Variants in ACOT8 observed in about 807,000 individuals in gnomAD.
ACOT8 encodes acyl-CoA thioesterase 8.
ACOT8 carries 31 observed loss-of-function variants against 38.4 expected under a neutral mutation model. That is an observed-to-expected ratio of 0.81 (90% CI 0.61 to 1.09). The LOEUF (loss-of-function observed/expected upper bound fraction) is 1.09. Among genes scored for constraint, ACOT8 ranks in the 50% least tolerant of loss-of-function variants. The probability of loss-of-function intolerance (pLI) is 0.00; values close to 1 mark genes in which losing one functional copy is unlikely to be tolerated. For missense variants in ACOT8, 373 were observed against 421.8 expected, an observed-to-expected ratio of 0.88 and a Z score of 1.01; for synonymous variants, 158 against 170.3, an observed-to-expected ratio of 0.93 and a Z score of 0.56.
At position 45,855,308 on chromosome 20, in the gene ACOT8, G is replaced by T; in HGVS notation, c.129-16C>A. ...ATGCCTTCCTCTGTAGGGAGAGGGG[G>T]AAAGAGGGAAAGACTTGGGAACTGG... On this transcript the variant is annotated splice_polypyrimidine_tract_variant and intron_variant, in intron 1 of 5. Transcript: ENST00000217455. 1 of 1,613,494 alleles carries T rather than the reference G, an allele frequency of 6.2e-7. No homozygotes were observed. The highest frequency in any genetic ancestry group is 8.5e-7 in the Non-Finnish European group (1 of 1,179,874).
At position 45,857,173 on chromosome 20, in the gene ACOT8, G is replaced by A. The variant is rs1277350638; in HGVS notation, c.128+15C>T. On this transcript the variant is annotated intron_variant, in intron 1 of 5. Coordinates refer to ENST00000217455, the MANE Select transcript of ACOT8 (RefSeq NM_005469.4). Reference sequence around the variant, plus strand: ...GCCCTAAAGGAGGGGATGCTGGGCAGGAGCTGCCGGCTACCTGAAGAGATC... The same window carrying A: ...GCCCTAAAGGAGGGGATGCTGGGCAAGAGCTGCCGGCTACCTGAAGAGATC... 1 of 1,608,506 alleles carries A rather than the reference G, an allele frequency of 6.2e-7. No individual in the cohort carries two copies. The highest frequency in any genetic ancestry group is 1.1e-5 in the South Asian group (1 of 90,648).
At chr20:45,851,313 C>G (rs753503788) in intron 2 of ACOT8, among the ~76,000 whole-genome samples, 1 of 152,184 alleles carries the variant, frequency 6.6e-6, no homozygotes, top group Non-Finnish European at 1.5e-5. Flanking sequence ...CTTGTGCAGT[C>G]TGCTTTCAGA....
chr20:45,842,015 T>A, intron 5 of ACOT8, 59 bp from the exon 6 acceptor site: 1 of 1,592,306 alleles, frequency 6.3e-7, no homozygotes, highest in South Asian at 1.1e-5. Flanking sequence ...TACACTTTTT[T>A]TTTTTTTCCT....
At chr20:45,843,154 G>A (rs1984376853) in intron 5 of ACOT8, 3 of 694,506 alleles carry the variant, frequency 4.3e-6, no homozygotes, top group Non-Finnish European at 6.1e-6. Flanking sequence ...CCAAATGGCA[G>A]TCTGATGGAC....
intron 2 of ACOT8, among the ~76,000 whole-genome samples, chr20:45,849,452 ATT>A (rs58429995): frequency 3.0e-4 from 38 of 127,674 alleles, no homozygotes; most frequent in Admixed American, 6.7e-4. Flanking sequence ...TACCCAGCTA[ATT>A]TTTTTTTTTT....
intron 3 of ACOT8, 126 bp from the exon 4 acceptor site, chr20:45,844,546 T>A: frequency 8.8e-7 from 1 of 1,135,972 alleles, no homozygotes; most frequent in Non-Finnish European, 1.3e-6. Context: ...TCCCCTCCCC[T>A]GTGGCAGGCA....
Position 45,857,022 on chromosome 20 carries a change from A to C in ACOT8, c.128+166T>G, listed in dbSNP as rs536296142. 1.2e-4 allele frequency among the ~76,000 whole-genome samples: 18 copies of C among 152,286 alleles called. No homozygotes were observed. The South Asian group carries it at 3.7e-3, about 32-fold the overall frequency. On this transcript the variant is annotated intron_variant, in intron 1 of 5. Coordinates refer to ENST00000217455, the MANE Select transcript of ACOT8 (RefSeq NM_005469.4). ...CGCGGAGAGGAAGGGAGGAAGCCAG[A>C]GCAGAGAGGACAGCTCTGTTGGGGG...
intron 2 of ACOT8, among the ~76,000 whole-genome samples, chr20:45,852,399 G>C (rs1361248938): frequency 1.3e-5 from 2 of 151,516 alleles, no homozygotes; most frequent in African/African-American, 4.9e-5. Flanking sequence ...GGCTGGTCTC[G>C]AACTCTTGAC....
In ACOT8 at chr20:45,848,493, CTGGTGG is replaced by C. The variant is rs1182575354; in HGVS notation, c.439_444del (p.Pro147_Pro148del). 1.2e-6 allele frequency: 2 copies of C among 1,612,558 alleles called. No individual in the cohort carries two copies. The highest frequency in any genetic ancestry group is 2.7e-5 in the African/African-American group (2 of 74,918). On this transcript the variant is annotated inframe_deletion, in exon 3 of 6. Transcript: ENST00000217455. ...AGGGTCTCACAGTCAAGCAGCTCTT[CTGGTGG>C]TGGCACAGTGGGCATGGAGAACTGG...
In ACOT8 at chr20:45,855,114, G is replaced by A. The variant is rs571664286; in HGVS notation, c.262+45C>T. The A allele has an allele frequency of 9.3e-6, 15 of 1,606,252 alleles. No homozygotes were observed. In the East Asian group the frequency reaches 2.2e-4, roughly 24 times the overall value. ...TCAGCCCCCAAGGCCAGAAATGGCT[G>A]CTGGGCCACCAGGGTTGGGTTGGGG... is the stretch of plus-strand genomic sequence containing the variant. On this transcript the variant is annotated intron_variant, in intron 2 of 5. Coordinates refer to ENST00000217455, the MANE Select transcript of ACOT8 (RefSeq NM_005469.4).
chr20:45,843,170 G>A (rs1984379448), intron 5 of ACOT8: 1 of 553,940 alleles, frequency 1.8e-6, no homozygotes, highest in Non-Finnish European at 2.8e-6. Context: ...TGGACTGCGG[G>A]TTTGGATACC....
Position 45,841,893 on chromosome 20 carries a change from C to G in ACOT8, c.905G>C (p.Cys302Ser). The change falls in exon 6 of 6, where the codon TGT becomes TCT. Residue 302 changes from cysteine to serine, a missense_variant. By Grantham distance (112) the Cys-to-Ser change is moderately radical. Transcript: ENST00000217455. ...CACTCGGATCACGCCCTCCTGGGCA[C>G]AGGTCACAGCTAGGACTCCATCCTG... ...WRQDGVLAVTCAQEGVIRVKP... is the reference protein window; with the variant it reads ...WRQDGVLAVTSAQEGVIRVKP... 1 of 1,611,980 alleles carries G rather than the reference C, an allele frequency of 6.2e-7. No individual in the cohort carries two copies. The highest frequency in any genetic ancestry group is 8.5e-7 in the Non-Finnish European group (1 of 1,179,578).
At position 45,855,309 on chromosome 20, in the gene ACOT8, A is replaced by C; in HGVS notation, c.129-17T>G. 6.2e-7 allele frequency: 1 copy of C among 1,613,418 alleles called. No individual in the cohort carries two copies. The highest frequency in any genetic ancestry group is 8.5e-7 in the Non-Finnish European group (1 of 1,179,846). ...TGCCTTCCTCTGTAGGGAGAGGGGG[A>C]AAGAGGGAAAGACTTGGGAACTGGG... On this transcript the variant is annotated splice_polypyrimidine_tract_variant and intron_variant, in intron 1 of 5. Transcript: ENST00000217455.
chr20:45,850,429 A>T (rs1004847627), intron 2 of ACOT8, among the ~76,000 whole-genome samples: 3 of 152,186 alleles, frequency 2.0e-5, no homozygotes, highest in African/African-American at 7.2e-5. Flanking sequence ...GTTGGTAAAG[A>T]TAGTGGTCTG....
rs893757129 is a variant in ACOT8 at position 45,854,081 on chromosome 20, G to T, written c.262+1078C>A. ...TTATTTTCCTTTTATTTATTTTTTT[G>T]TAGAGACAAGGTCTCGATTTATTGC... On this transcript the variant is annotated intron_variant, in intron 2 of 5. Coordinates refer to ENST00000217455, the MANE Select transcript of ACOT8 (RefSeq NM_005469.4). 30 of 863,092 alleles carry T rather than the reference G, an allele frequency of 3.5e-5. No homozygotes were observed. The African/African-American group carries it at 4.5e-4, about 13-fold the overall frequency. The allele number at this position is 863,092 out of a possible 1,614,324, so 53.5% of individuals were successfully genotyped here. A position where few individuals can be genotyped will look rare whatever the true frequency, so the allele number is the denominator to read the frequency against.
intron 5 of ACOT8, 174 bp downstream of exon 5, chr20:45,843,353 G>T (rs375281702): frequency 1.1e-6 from 1 of 873,150 alleles, no homozygotes; most frequent in Non-Finnish European, 1.8e-6. Flanking sequence ...AGCAGAGCAG[G>T]TGTCCCGGCC....
chr20:45,843,286 A>G (rs1319906156), intron 5 of ACOT8: 1 of 697,544 alleles, frequency 1.4e-6, no homozygotes, highest in Non-Finnish European at 2.5e-6. Flanking sequence ...TTTTGGGACT[A>G]GAACTGGGTC....
intron 4 of ACOT8, 84 bp downstream of exon 4, chr20:45,844,179 G>A: frequency 6.4e-7 from 1 of 1,571,788 alleles, no homozygotes; most frequent in Admixed American, 1.7e-5. Flanking sequence ...CCAGAGAAGG[G>A]AACTCATGTG....
intron 2 of ACOT8, among the ~76,000 whole-genome samples, chr20:45,851,178 C>T (rs1351624296): frequency 6.6e-6 from 1 of 152,188 alleles, no homozygotes. Context: ...CTGAGGTCAA[C>T]TGGCTTGCTC....
Sources: gnomAD v4.1 joint callset for allele counts (sites outside exome capture counted in the v4.1 genomes callset) on GRCh38, gnomAD v4.1.1 for gene constraint, MANE v1.5 for transcripts, NCBI Gene and HGNC (gene_info 2026-07-23, HGNC 2026-07-21) for gene names.